Variants in TDRD9 observed in about 807,000 individuals in gnomAD.
TDRD9 encodes the protein tudor domain containing 9.
A neutral mutation model predicts 172.6 loss-of-function variants in TDRD9; 124 were observed. The observed-to-expected ratio is 0.72, with a 90% CI of 0.62 to 0.83. TDRD9 has a LOEUF of 0.83. Among genes scored for constraint, TDRD9 ranks in the 40% least tolerant of loss-of-function variants. TDRD9 has a pLI of 0.00. For missense variants in TDRD9, 1,479 were observed against 1,714.1 expected (o/e 0.86, Z 2.42); for synonymous variants, 619 against 617.1 (o/e 1.00, Z -0.05).
At chr14:104,036,656 C>T (rs532016904) in intron 32 of TDRD9, among the ~76,000 whole-genome samples, 125 of 152,188 alleles carry the variant, frequency 8.2e-4, no homozygotes, top group African/African-American at 2.7e-3. Flanking sequence ...AGAGTGCAAG[C>T]GTTTAGGTTG....
chr14:103,992,449 G>C (rs1218351438), intron 9 of TDRD9, among the ~76,000 whole-genome samples: 5 of 152,308 alleles, frequency 3.3e-5, no homozygotes, highest in African/African-American at 4.8e-5. Flanking sequence ...CTGACAGTGG[G>C]GTGGTGTTGC....
At chr14:104,025,942 G>T in intron 26 of TDRD9, 105 bp from the exon 27 acceptor site, 1 of 991,778 alleles carries the variant, frequency 1.0e-6, no homozygotes, top group African/African-American at 1.6e-5. Context: ...GTCACTCCAA[G>T]AATTCTATAA....
At chr14:104,033,936 T>C (rs1234484871) in intron 30 of TDRD9, 24 bp from the exon 31 acceptor site, 2 of 1,468,006 alleles carry the variant, frequency 1.4e-6, no homozygotes, top group Admixed American at 3.9e-5. Flanking sequence ...AGTCACCCCA[T>C]CTCCTGGTGC....
intron 13 of TDRD9, among the ~76,000 whole-genome samples, chr14:104,002,810 C>T (rs780084652): frequency 5.9e-5 from 9 of 151,678 alleles, no homozygotes; most frequent in Non-Finnish European, 1.0e-4. Flanking sequence ...CGGCTCACTG[C>T]AGTCTCCACC....
At chr14:103,968,314 A>T (rs2152147662) in intron 5 of TDRD9, among the ~76,000 whole-genome samples, 1 of 152,268 alleles carries the variant, frequency 6.6e-6, no homozygotes, top group Admixed American at 6.5e-5. Flanking sequence ...TGCCCCAGGG[A>T]TTATTTGCTT....
At chr14:104,030,191 A>C (rs1278926188) in intron 28 of TDRD9, among the ~76,000 whole-genome samples, 1 of 152,206 alleles carries the variant, frequency 6.6e-6, no homozygotes, top group Non-Finnish European at 1.5e-5. Flanking sequence ...AGAAGAAAAA[A>C]GAAAATTAAA....
rs1228350180 is a variant in TDRD9, at chr14:104,045,765, G to A, written c.3974+3578G>A. 3.9e-5 allele frequency among the ~76,000 whole-genome samples: 6 copies of A among 152,116 alleles called. No individual in the cohort carries two copies. The East Asian group carries it at 1.2e-3, about 29-fold the overall frequency. On this transcript the variant is annotated intron_variant, in intron 34 of 35. Coordinates refer to ENST00000409874, the MANE Select transcript of TDRD9 (RefSeq NM_153046.3). Reference sequence around the variant, plus strand: ...GATTGTTGTAAAGTGGGTCTGCCCCGGTGCCTCTTCCTGTCTCAAGTACTC... The same window carrying A: ...GATTGTTGTAAAGTGGGTCTGCCCCAGTGCCTCTTCCTGTCTCAAGTACTC...
rs1287378347 is a variant in TDRD9, at chr14:103,998,690, T to C, written c.1445T>C (p.Leu482Ser). The change falls in exon 13 of 36, where the codon TTG becomes TCG. Residue 482 changes from leucine to serine, a missense_variant. By Grantham distance (145) the Leu-to-Ser change is moderately radical (BLOSUM62 -2). Around this residue, in one of 3 missense-constraint regions of TDRD9, gnomAD observed 1,413 missense variants for 1,649.1 expected, o/e 0.86. Transcript: ENST00000409874. ...DEDTNYQSLR[L>S]SWASKTSCNQ... The stretch of plus-strand genomic sequence containing the variant: ...GATACAAATTATCAGAGTCTGCGAT[T>C]GAGTTGGGCTTCTAAAACCAGCTGT... The C allele has an allele frequency of 1.3e-5, 21 of 1,610,508 alleles. No homozygotes were observed. The highest frequency in any genetic ancestry group is 1.8e-5 in the Non-Finnish European group (21 of 1,176,694).
At chr14:104,041,449 C>A (rs2035608992) in intron 33 of TDRD9, among the ~76,000 whole-genome samples, 1 of 152,106 alleles carries the variant, frequency 6.6e-6, no homozygotes, top group Admixed American at 6.6e-5. Flanking sequence ...AAAGTGCACA[C>A]CAGGAGAAAA....
chr14:103,944,277 C>T (rs191444553), intron 1 of TDRD9, among the ~76,000 whole-genome samples: 253 of 152,136 alleles, frequency 1.7e-3, no homozygotes, highest in Non-Finnish European at 2.5e-3. Context: ...AGCCAGGCCA[C>T]GTTGCCCCCT....
chr14:103,989,537 G>A (rs1202373137), intron 8 of TDRD9, among the ~76,000 whole-genome samples: 1 of 152,204 alleles, frequency 6.6e-6, no homozygotes, highest in Admixed American at 6.5e-5. Flanking sequence ...AGGAGCTTTA[G>A]GTGCAGAGAA....
At position 104,014,769 on chromosome 14, in the gene TDRD9, C is replaced by G. The variant is rs746176661; in HGVS notation, c.2151C>G (p.Phe717Leu). 4.3e-6 allele frequency: 7 copies of G among 1,612,350 alleles called. No individual in the cohort carries two copies. Among genetic ancestry groups the G allele is most frequent in the Non-Finnish European group, 5.9e-6 (7 of 1,179,202 alleles). ...YEELKTRISQ[F>L]NMHVDSRRPV... Reference sequence around the variant, plus strand: ...AATTGAAGACTAGAATCTCACAGTTCAACATGCATGTTGATTCTCGGCGAC... The same window carrying G: ...AATTGAAGACTAGAATCTCACAGTTGAACATGCATGTTGATTCTCGGCGAC... Residue 717 changes from phenylalanine (F) to leucine (L), a missense_variant, in exon 21 of 36, where the codon TTC becomes TTG. Physicochemically the swap from Phe to Leu is conservative, Grantham distance 22 (BLOSUM62 0). Around this residue, in one of 3 missense-constraint regions of TDRD9, gnomAD observed 1,413 missense variants for 1,649.1 expected, o/e 0.86. Coordinates refer to ENST00000409874, the MANE Select transcript of TDRD9 (RefSeq NM_153046.3).
intron 8 of TDRD9, among the ~76,000 whole-genome samples, chr14:103,988,841 G>A (rs773650875): frequency 3.2e-4 from 49 of 151,852 alleles, no homozygotes; most frequent in East Asian, 1.9e-4. Context: ...TTAGAGGTGC[G>A]TGCCACCACA....
At chr14:103,998,039 T>A (rs2034115472) in intron 12 of TDRD9, among the ~76,000 whole-genome samples, 1 of 151,952 alleles carries the variant, frequency 6.6e-6, no homozygotes, top group African/African-American at 2.4e-5. Flanking sequence ...AGATCCCCAG[T>A]GCTTTGCCTG....
At chr14:103,954,610 T>C (rs1232541839) in intron 1 of TDRD9, among the ~76,000 whole-genome samples, 1 of 152,210 alleles carries the variant, frequency 6.6e-6, no homozygotes, top group East Asian at 1.9e-4. Context: ...TTTTAAGTTT[T>C]GGTTAGTTTT....
intron 20 of TDRD9, 77 bp from the exon 21 acceptor site, chr14:104,014,648 A>G (rs955544810): frequency 1.4e-5 from 11 of 773,910 alleles, no homozygotes; most frequent in African/African-American, 1.0e-4. Context: ...CCCGTTGTGC[A>G]CTTATTTTCT....
chr14:104,004,149 T>TAA, intron 13 of TDRD9, 89 bp from the exon 14 acceptor site: 1 of 585,112 alleles, frequency 1.7e-6, no homozygotes, highest in Admixed American at 2.5e-5. Context: ...TTTGCTTAAT[T>TAA]AATATTTAAT....
At chr14:103,945,757 T>C (rs891712816) in intron 1 of TDRD9, among the ~76,000 whole-genome samples, 3 of 152,184 alleles carry the variant, frequency 2.0e-5, no homozygotes, top group African/African-American at 7.2e-5. Flanking sequence ...ATGCATAATA[T>C]ATGTGTGTCT....
chr14:103,991,280 G>C (rs2033854104), intron 9 of TDRD9, 56 bp downstream of exon 9: 1 of 1,569,510 alleles, frequency 6.4e-7, no homozygotes, highest in South Asian at 1.1e-5. Context: ...GAGAGGCTAA[G>C]TTTGTGCCTA....
Sources: gnomAD v4.1 joint callset for allele counts (sites outside exome capture counted in the v4.1 genomes callset) on GRCh38, gnomAD v4.1.1 for gene constraint, gnomAD v4.1.1 regional missense constraint, MANE v1.5 for transcripts, NCBI Gene and HGNC (gene_info 2026-07-23, HGNC 2026-07-21) for gene names.